Variants in NEK1 observed in about 807,000 individuals in gnomAD.
The protein encoded by NEK1 is serine/threonine-protein kinase Nek1.
In NEK1, 137 loss-of-function variants were observed where a neutral mutation model predicts 182.1. The observed-to-expected ratio is 0.75, with a 90% confidence interval of 0.65 to 0.87. The LOEUF (loss-of-function observed/expected upper bound fraction) is 0.87, where lower values mean the gene tolerates loss of function less well. NEK1 is among the 40% of genes least tolerant of loss of function. The pLI is 0.00. For missense variants in NEK1, 1,391 were observed against 1,494.4 expected (o/e 0.93, Z 1.14); for synonymous variants, 513 against 492.2 (o/e 1.04, Z -0.56).
At chr4:169,578,809 A>G (rs1283215541) in intron 11 of NEK1, among the ~76,000 whole-genome samples, 1 of 152,224 alleles carries the variant, frequency 6.6e-6, no homozygotes, top group Non-Finnish European at 1.5e-5. Context: ...TGTTGACAAT[A>G]TGGGATATAC....
rs766844157 is a variant in NEK1, at chr4:169,561,460, T to C, written c.1266+20A>G. ...GGAGGGGAAAATGGTAGTATAACCA[T>C]ATTGGTATAAAATGCCTACCTTTAC... On this transcript the variant is annotated intron_variant, in intron 16 of 35. Transcript: ENST00000507142. The C allele has an allele frequency of 2.0e-5, 32 of 1,605,756 alleles. No homozygotes were observed. The highest frequency in any genetic ancestry group is 2.0e-5 in the Non-Finnish European group (23 of 1,172,634).
chr4:169,424,296 A>G (rs903139425), intron 31 of NEK1, among the ~76,000 whole-genome samples: 8 of 152,142 alleles, frequency 5.3e-5, no homozygotes, highest in African/African-American at 1.9e-4. Flanking sequence ...GCAATAGTGC[A>G]TGAGGGTATA....
Position 169,434,247 on chromosome 4 carries a change from C to T in NEK1, c.2765-582G>A, listed in dbSNP as rs550833444. On this transcript the variant is annotated intron_variant, in intron 28 of 35. Coordinates refer to ENST00000507142, the MANE Select transcript of NEK1 (RefSeq NM_001199397.3). ...TTTTGAGACAGGGTTTCACTCCCAT[C>T]GCCCAGGCTGGAGTGCAGTGGTGTG... Among the ~76,000 whole-genome samples, 5 of 142,684 alleles carry T rather than the reference C, an allele frequency of 3.5e-5. No individual in the cohort carries two copies. In the South Asian group the frequency reaches 6.7e-4, roughly 19 times the overall value. The allele number at this position is 142,684 out of a possible 152,430, so 93.6% of individuals were successfully genotyped here.
Position 169,485,187 on chromosome 4 carries a change from G to C in NEK1, c.2008-5653C>G, listed in dbSNP as rs369824607. On this transcript the variant is annotated intron_variant, in intron 23 of 35. Coordinates refer to ENST00000507142, the MANE Select transcript of NEK1 (RefSeq NM_001199397.3). ...TATGTTCTATAATCAAATGCATACT[G>C]ATCTCTCCTCTGAGTCAACTAAACC... 6.6e-5 allele frequency among the ~76,000 whole-genome samples: 10 copies of C among 152,258 alleles called. No individual in the cohort carries two copies. The East Asian group carries it at 7.7e-4, about 12-fold the overall frequency.
rs979893816 is a variant in NEK1 at position 169,563,891 on chromosome 4, T to A, written c.1021-1695A>T. Among the ~76,000 whole-genome samples the A allele has an allele frequency of 5.3e-5, 8 of 152,340 alleles. No homozygotes were observed. The South Asian group carries it at 8.3e-4, about 16-fold the overall frequency. On this transcript the variant is annotated intron_variant, in intron 12 of 35. Coordinates refer to ENST00000507142, the MANE Select transcript of NEK1 (RefSeq NM_001199397.3). The stretch of plus-strand genomic sequence containing the variant: ...AATGCAGTAAAATTACAGTAACTGG[T>A]TTTCTACTGTTGAAACGTCCCTGTA...
chr4:169,544,047 T>A (rs879434276), intron 18 of NEK1, among the ~76,000 whole-genome samples: 3 of 152,204 alleles, frequency 2.0e-5, no homozygotes, highest in African/African-American at 4.8e-5. Flanking sequence ...AGAGAGGGTA[T>A]CCTTGTCTTG....
At chr4:169,431,192 T>C (rs1737365192) in intron 29 of NEK1, among the ~76,000 whole-genome samples, 1 of 152,038 alleles carries the variant, frequency 6.6e-6, no homozygotes, top group Non-Finnish European at 1.5e-5. Context: ...AATAAAAAGA[T>C]AAAACTTAGT....
At chr4:169,535,784 G>T (rs1253031459) in intron 19 of NEK1, among the ~76,000 whole-genome samples, 1 of 151,326 alleles carries the variant, frequency 6.6e-6, no homozygotes, top group East Asian at 2.0e-4. Flanking sequence ...GAAGGCTGAG[G>T]CAGGAGAATC....
intron 10 of NEK1, among the ~76,000 whole-genome samples, chr4:169,582,835 A>G (rs1246470544): frequency 6.6e-6 from 1 of 152,176 alleles, no homozygotes; most frequent in Non-Finnish European, 1.5e-5. Context: ...CTTACTAACC[A>G]CATGTGGCTA....
chr4:169,501,516 T>C (rs1752419753), intron 23 of NEK1, among the ~76,000 whole-genome samples: 1 of 152,144 alleles, frequency 6.6e-6, no homozygotes, highest in South Asian at 2.1e-4. Context: ...CAAGTCTCAA[T>C]AAATTTTTTA....
chr4:169,585,611 G>T, intron 9 of NEK1, 62 bp from the exon 10 acceptor site: 2 of 1,044,080 alleles, frequency 1.9e-6, no homozygotes, highest in Non-Finnish European at 2.8e-6. Flanking sequence ...GAGAATATCG[G>T]TAATGAGAAA....
chr4:169,606,890 T>C (rs1020064440), intron 2 of NEK1, among the ~76,000 whole-genome samples: 7 of 152,222 alleles, frequency 4.6e-5, no homozygotes, highest in Non-Finnish European at 1.0e-4. Flanking sequence ...TACTAGTGGG[T>C]TCTACATTCA....
chr4:169,507,159 G>A (rs548794899), intron 22 of NEK1, 27 bp from the exon 23 acceptor site: 4 of 1,223,702 alleles, frequency 3.3e-6, no homozygotes, highest in East Asian at 2.5e-5. Flanking sequence ...TTAACAAAAT[G>A]AGTTACCAGA....
chr4:169,528,018 C>G (rs1260015600), intron 19 of NEK1, among the ~76,000 whole-genome samples: 3 of 152,060 alleles, frequency 2.0e-5, no homozygotes, highest in African/African-American at 7.2e-5. Flanking sequence ...ACGACAGAAG[C>G]TGGAATGGGT....
At chr4:169,604,761 G>T (rs1411664179) in intron 2 of NEK1, among the ~76,000 whole-genome samples, 1 of 152,202 alleles carries the variant, frequency 6.6e-6, no homozygotes, top group Non-Finnish European at 1.5e-5. Context: ...TAGCACTGAT[G>T]AGATAAGTAT....
intron 5 of NEK1, among the ~76,000 whole-genome samples, chr4:169,598,090 G>A (rs1017673915): frequency 6.6e-6 from 1 of 152,092 alleles, no homozygotes; most frequent in African/African-American, 2.4e-5. Flanking sequence ...GGAACAAAAG[G>A]GTGGAGAAAG....
At chr4:169,443,278 T>C (rs148527560) in intron 27 of NEK1, among the ~76,000 whole-genome samples, 381 of 151,942 alleles carry the variant, frequency 2.5e-3, no homozygotes, top group African/African-American at 9.0e-3. Flanking sequence ...ATCACAGCAC[T>C]GCCACTGCAC....
Position 169,562,125 on chromosome 4 carries a change from A to C in NEK1, c.1080+12T>G. 1 of 1,503,170 alleles carries C rather than the reference A, an allele frequency of 6.7e-7. No individual in the cohort carries two copies. Among genetic ancestry groups the C allele is most frequent in the Non-Finnish European group, 9.0e-7 (1 of 1,111,856 alleles). The allele number at this position is 1,503,170 out of a possible 1,614,324, so 93.1% of individuals were successfully genotyped here. ...GCAAAGCTTTAAAATAACCAGACAG[A>C]TGTCTTTATACCTCAGATATTTTCC... On this transcript the variant is annotated intron_variant, in intron 13 of 35. Transcript: ENST00000507142.
At chr4:169,458,499 G>A (rs776932629) in intron 27 of NEK1, among the ~76,000 whole-genome samples, 3 of 151,994 alleles carry the variant, frequency 2.0e-5, no homozygotes, top group Non-Finnish European at 4.4e-5. Context: ...AGGCTGAAGC[G>A]GATGGTTCAC....
Sources: gnomAD v4.1 joint callset for allele counts (sites outside exome capture counted in the v4.1 genomes callset) on GRCh38, gnomAD v4.1.1 for gene constraint, MANE v1.5 for transcripts, NCBI Gene and HGNC (gene_info 2026-07-23, HGNC 2026-07-21) for gene names.